The following ZNF516 variants were observed in gnomAD, a reference collection of about 807,000 sequenced individuals.
ZNF516 encodes zinc finger protein 516.
Under a neutral mutation model 79.7 loss-of-function variants are expected in ZNF516, and 19 were observed. The observed-to-expected ratio is 0.24, with a 90% CI of 0.17 to 0.35. ZNF516 has a LOEUF of 0.35. ZNF516 is among the 10% of genes least tolerant of loss of function. ZNF516 has a pLI of 1.00. For missense variants in ZNF516, 1,678 were observed against 1,679.5 expected (o/e 1.00, Z 0.02); for synonymous variants, 877 against 739.5 (o/e 1.19, Z -3.02).
chr18:76,493,000 C>G, intron 1 of ZNF516: 1 of 985,560 alleles, frequency 1.0e-6, no homozygotes, highest in Non-Finnish European at 1.2e-6. Context: ...ACACACACAC[C>G]CCAAATTACC....
chr18:76,491,675 C>A, intron 1 of ZNF516: 2 of 543,012 alleles, frequency 3.7e-6, no homozygotes, highest in Non-Finnish European at 4.7e-6. Flanking sequence ...ACCGCCCCCA[C>A]CCCGGGGCGG....
At chr18:76,437,067 A>AACACACAC (rs370573337) in intron 3 of ZNF516, among the ~76,000 whole-genome samples, 22,638 of 135,792 alleles carry the variant, frequency 0.17, 2,301 homozygotes, top group Non-Finnish European at 0.23. Context: ...ACCTGTCTAA[A>AACACACAC]ACACACACAC....
chr18:76,436,499 A>T (rs1192302139), intron 3 of ZNF516, among the ~76,000 whole-genome samples: 1 of 152,194 alleles, frequency 6.6e-6, no homozygotes, highest in East Asian at 1.9e-4. Flanking sequence ...GGCTTCAGAG[A>T]GAGCTTTGCC....
chr18:76,471,323 G>A (rs910170046), intron 1 of ZNF516, among the ~76,000 whole-genome samples: 1 of 151,924 alleles, frequency 6.6e-6, no homozygotes. Flanking sequence ...AAAGGTGACA[G>A]AATGGATTGC....
chr18:76,367,985 A>G lies in ZNF516; in HGVS notation c.3432+2543T>C, dbSNP rs186912618. 3.9e-5 allele frequency among the ~76,000 whole-genome samples: 6 copies of G among 152,314 alleles called. No individual in the cohort carries two copies. The East Asian group carries it at 5.8e-4, about 15-fold the overall frequency. On this transcript the variant is annotated intron_variant, in intron 6 of 6. Coordinates refer to ENST00000443185, the MANE Select transcript of ZNF516 (RefSeq NM_014643.4). ...TGCATGATCAAAAAAAACCACAGCC[A>G]TGATCCCTAGCATCTAAAGCCCACA...
In ZNF516 at chr18:76,362,793, G is replaced by A. The variant is rs114696904; in HGVS notation, c.3433-236C>T. Among the ~76,000 whole-genome samples the A allele has an allele frequency of 3.1e-3, 474 of 152,256 alleles. 6 individuals carry two copies. Among genetic ancestry groups the A allele is most frequent in the African/African-American group, 9.9e-3 (411 of 41,544 alleles). On this transcript the variant is annotated intron_variant, in intron 6 of 6. Coordinates refer to ENST00000443185, the MANE Select transcript of ZNF516 (RefSeq NM_014643.4). ...CCTTAAAGAGAGGCAGCTTGAAAAC[G>A]AATCATTTCCAGTGTGATTTAGAAA...
Position 76,483,933 on chromosome 18 carries a change from G to A in ZNF516, c.-272+11211C>T, listed in dbSNP as rs566213666. Among the ~76,000 whole-genome samples, 265 of 152,200 alleles carry A rather than the reference G, an allele frequency of 1.7e-3. 1 individual carries two copies. Among genetic ancestry groups the A allele is most frequent in the African/African-American group, 5.9e-3 (247 of 41,524 alleles). The stretch of plus-strand genomic sequence containing the variant: ...CAACAACTGGTCCAGTGCCCAACTC[G>A]CACGACATCCCCGTGGAAAGACGCA... On this transcript the variant is annotated intron_variant, in intron 1 of 6. Coordinates refer to ENST00000443185, the MANE Select transcript of ZNF516 (RefSeq NM_014643.4).
At chr18:76,415,176 G>C (rs914472547) in intron 3 of ZNF516, among the ~76,000 whole-genome samples, 3 of 151,980 alleles carry the variant, frequency 2.0e-5, no homozygotes, top group Non-Finnish European at 4.4e-5. Context: ...CCAGCAGCGT[G>C]GGCAACAGAG....
rs191200295 is a variant in ZNF516 at position 76,358,755 on chromosome 18, G to A, written c.*3743C>T. On this transcript the variant is annotated 3_prime_UTR_variant, in exon 7 of 7. Coordinates refer to ENST00000443185, the MANE Select transcript of ZNF516 (RefSeq NM_014643.4). ...GGAAACCTCTGAGAATTTGCTGGGG[G>A]TGGCAGAGGAGGGTTTGTCTAGTTT... is the stretch of plus-strand genomic sequence containing the variant. 6.6e-6 allele frequency: 1 copy of A among 152,204 alleles called. No homozygotes were observed. Among genetic ancestry groups the A allele is most frequent in the Non-Finnish European group, 1.5e-5 (1 of 68,056 alleles). 9.4% of individuals were successfully genotyped at this position (152,204 alleles called of 1,614,324 possible).
chr18:76,362,591 C>T (rs746282386), intron 6 of ZNF516, 34 bp from the exon 7 acceptor site: 7 of 1,581,304 alleles, frequency 4.4e-6, no homozygotes, highest in African/African-American at 2.7e-5. Flanking sequence ...AGGAGAAAAG[C>T]TCATTTCTGC....
intron 1 of ZNF516, among the ~76,000 whole-genome samples, chr18:76,488,776 A>C (rs1713942684): frequency 6.6e-6 from 1 of 152,250 alleles, no homozygotes; most frequent in South Asian, 2.1e-4. Context: ...TGAGAAAGTT[A>C]CACATCTCCA....
intron 3 of ZNF516, among the ~76,000 whole-genome samples, chr18:76,435,368 A>C (rs957399355): frequency 6.6e-6 from 1 of 152,264 alleles, no homozygotes; most frequent in Non-Finnish European, 1.5e-5. Flanking sequence ...CATGCCATGC[A>C]TAGATTATCA....
chr18:76,383,330 C>T (rs934197451), intron 3 of ZNF516, among the ~76,000 whole-genome samples: 12 of 152,128 alleles, frequency 7.9e-5, no homozygotes, highest in Non-Finnish European at 1.0e-4. Flanking sequence ...TCCTCAGCAA[C>T]AAGGAACCAA....
At position 76,482,151 on chromosome 18, in the gene ZNF516, G is replaced by C. The variant is rs529708057; in HGVS notation, c.-272+12993C>G. On this transcript the variant is annotated intron_variant, in intron 1 of 6. Transcript: ENST00000443185. ...GAGAACTGATGCCTTTTTTTCCTGA[G>C]AGTCAGTGCAACACATCAACGGCCA... 2.0e-5 allele frequency among the ~76,000 whole-genome samples: 3 copies of C among 152,178 alleles called. No homozygotes were observed. In the South Asian group the frequency reaches 6.2e-4, roughly 32 times the overall value.
intron 3 of ZNF516, among the ~76,000 whole-genome samples, chr18:76,433,963 G>A (rs147674456): frequency 3.3e-5 from 5 of 152,100 alleles, no homozygotes; most frequent in African/African-American, 9.6e-5. Flanking sequence ...AAACCCCACC[G>A]CGACCGCCAG....
Position 76,380,181 on chromosome 18 carries a change from C to T in ZNF516, c.1933G>A (p.Gly645Arg), listed in dbSNP as rs773419267. The T allele has an allele frequency of 1.2e-6, 2 of 1,614,024 alleles. No individual in the cohort carries two copies. Among genetic ancestry groups the T allele is most frequent in the Admixed American group, 1.7e-5 (1 of 60,034 alleles). The change falls in exon 4 of 7, where the codon GGG becomes AGG. Residue 645 changes from glycine to arginine, a missense_variant. Around this residue, in one of 5 missense-constraint regions of ZNF516, gnomAD observed 1,294 missense variants for 1,248.3 expected, o/e 1.04. Transcript: ENST00000443185. ...AGTATGGACACAGAAGCTGCGATCC[C>T]TGCCTTGGACTCGCCGGTGTCTCTT... ...SERDTGESKA[G>R]IAASVSILEN...
chr18:76,407,330 T>A (rs1030265924), intron 3 of ZNF516, among the ~76,000 whole-genome samples: 2 of 151,998 alleles, frequency 1.3e-5, no homozygotes, highest in Non-Finnish European at 1.5e-5. Context: ...ACAGCTGAGG[T>A]GAGAGGAACC....
At chr18:76,369,725 C>G (rs983421017) in intron 6 of ZNF516, among the ~76,000 whole-genome samples, 10 of 152,122 alleles carry the variant, frequency 6.6e-5, no homozygotes, top group Non-Finnish European at 1.0e-4. Context: ...CGGCTTGACT[C>G]TCACGGCAAA....
At chr18:76,444,205 C>T (rs747111943) in intron 2 of ZNF516, among the ~76,000 whole-genome samples, 2 of 152,172 alleles carry the variant, frequency 1.3e-5, no homozygotes, top group African/African-American at 2.4e-5. Flanking sequence ...TGAGAGATGT[C>T]GAGTCTCTCA....
Sources: allele counts gnomAD v4.1 joint callset (sites outside exome capture counted in the v4.1 genomes callset), GRCh38; gene constraint gnomAD v4.1.1; regional missense constraint gnomAD v4.1.1; transcripts MANE v1.5; gene names NCBI Gene and HGNC (gene_info 2026-07-23, HGNC 2026-07-21).